IDO2: variants seen among roughly 807,000 people sequenced by gnomAD.
IDO2 encodes indoleamine 2,3-dioxygenase-like 1 protein.
IDO2 carries 46 observed loss-of-function variants against 45.1 expected under a neutral mutation model. That is an observed-to-expected ratio of 1.02 (90% CI 0.80 to 1.30). IDO2 has a LOEUF of 1.30. Among genes scored for constraint, IDO2 ranks in the 50% most tolerant of loss-of-function variants. The probability of loss-of-function intolerance (pLI) is 0.00; values close to 1 mark genes in which losing one functional copy is unlikely to be tolerated. For synonymous variants in IDO2, 218 were observed against 184.9 expected (o/e 1.18, Z -1.45); for missense variants, 544 against 491.8 (o/e 1.11, Z -1.00).
intron 10 of IDO2, among the ~76,000 whole-genome samples, chr8:40,014,932 T>G (rs1485166839): frequency 1.3e-5 from 2 of 152,132 alleles, no homozygotes; most frequent in African/African-American, 4.8e-5. Flanking sequence ...GTGGATCGCT[T>G]GAGCCCAGGA....
At chr8:39,941,221 C>CAAAAAAAAAAAAAAAAA (rs59745370) in intron 1 of IDO2, among the ~76,000 whole-genome samples, 1 of 80,548 alleles carries the variant, frequency 1.2e-5, no homozygotes, top group African/African-American at 6.1e-5. Flanking sequence ...GACTCCATCT[C>CAAAAAAAAAAAAAAAAA]AAAAAAAAAA....
chr8:40,015,623 A>C, exon 11 of IDO2: 1 of 1,561,846 alleles, frequency 6.4e-7, no homozygotes, highest in Non-Finnish European at 8.8e-7. Context: ...TCTCCCCAGC[A>C]ATGCAGAGCC....
intron 2 of IDO2, among the ~76,000 whole-genome samples, chr8:39,956,284 A>G (rs1249877825): frequency 6.6e-6 from 1 of 151,696 alleles, no homozygotes; most frequent in African/African-American, 2.4e-5. Context: ...CTGATCTCCA[A>G]CTCCTGACCT....
chr8:40,001,245 ATTTTTTTTTTT>A (rs1187145007), intron 8 of IDO2, among the ~76,000 whole-genome samples: 1 of 94,466 alleles, frequency 1.1e-5, no homozygotes, highest in Non-Finnish European at 1.8e-5. Flanking sequence ...GGCTTTCCTC[ATTTTTTTTTTT>A]TTTTTTTTTT....
intron 2 of IDO2, among the ~76,000 whole-genome samples, 199 bp from the exon 3 acceptor site, chr8:39,963,409 C>A (rs559195681): frequency 1.3e-5 from 2 of 152,142 alleles, no homozygotes; most frequent in Non-Finnish European, 2.9e-5. Flanking sequence ...GTTTTTCTCC[C>A]GTACTAGGCA....
At chr8:39,994,828 A>C (rs1306024035) in intron 8 of IDO2, among the ~76,000 whole-genome samples, 1 of 152,184 alleles carries the variant, frequency 6.6e-6, no homozygotes, top group Non-Finnish European at 1.5e-5. Context: ...CCTTCAGATT[A>C]ATTAACACCA....
At chr8:40,003,342 C>T (rs1802168539) in intron 8 of IDO2, among the ~76,000 whole-genome samples, 1 of 144,506 alleles carries the variant, frequency 6.9e-6, no homozygotes, top group Admixed American at 7.3e-5. Context: ...TGCACTCCAG[C>T]CTGGGTGAAG....
At chr8:40,003,536 A>G (rs1802172606) in intron 8 of IDO2, among the ~76,000 whole-genome samples, 1 of 152,052 alleles carries the variant, frequency 6.6e-6, no homozygotes, top group Non-Finnish European at 1.5e-5. Context: ...CCTGCCTCTT[A>G]CCTGTTCATT....
At chr8:40,005,178 A>T (rs1340551310) in intron 8 of IDO2, 149 bp from the exon 9 acceptor site, 2 of 479,258 alleles carry the variant, frequency 4.2e-6, no homozygotes, top group Non-Finnish European at 7.7e-6. Context: ...AGAAGAGAAC[A>T]TTCTATCCCC....
chr8:39,985,507 G>C lies in IDO2; in HGVS notation c.435-1G>C. 1.3e-6 allele frequency: 2 copies of C among 1,564,984 alleles called. No homozygotes were observed. Among genetic ancestry groups the C allele is most frequent in the Non-Finnish European group, 8.7e-7 (1 of 1,153,492 alleles). ...GTCATCAATAACTGAAATTGGGCTA[G>C]ATTCCTGGAAATTGGGTAAGTTCTC... On this transcript the variant is annotated splice_acceptor_variant, in intron 5 of 10. Coordinates refer to ENST00000502986, the Ensembl canonical transcript of IDO2. LOFTEE classifies it high-confidence loss of function.
rs1408014028 is a variant in IDO2 at position 40,015,314 on chromosome 8, C to T, written c.936C>T (p.His312=). 3.1e-6 allele frequency: 5 copies of T among 1,613,850 alleles called. No homozygotes were observed. The South Asian group carries it at 4.4e-5, about 14-fold the overall frequency. The change falls in exon 11 of 11, where the codon CAC becomes CAT. Residue 312 remains histidine (H), a synonymous_variant. Coordinates refer to ENST00000502986, the Ensembl canonical transcript of IDO2. ...ATAAGGCCTTCATAGAAGACATCCA[C>T]TCAGCACCTTCCCTGAGGGACTACA... is the stretch of plus-strand genomic sequence containing the variant.
intron 8 of IDO2, among the ~76,000 whole-genome samples, chr8:39,991,994 C>T (rs1801938690): frequency 6.6e-6 from 1 of 152,238 alleles, no homozygotes; most frequent in Non-Finnish European, 1.5e-5. Context: ...CACATTTTCC[C>T]ACACAGACAT....
chr8:40,015,319 C>T (rs1032107204), exon 11 of IDO2: 2 of 1,613,822 alleles, frequency 1.2e-6, no homozygotes, highest in Middle Eastern at 1.7e-4. Flanking sequence ...ATCCACTCAG[C>T]ACCTTCCCTG....
At chr8:39,951,138 C>G (rs1807808785) in intron 2 of IDO2, among the ~76,000 whole-genome samples, 1 of 152,108 alleles carries the variant, frequency 6.6e-6, no homozygotes. Context: ...AGTAGACAAG[C>G]CTCAGGGTAG....
At chr8:40,009,120 T>A (rs958771283) in intron 9 of IDO2, among the ~76,000 whole-genome samples, 5 of 152,200 alleles carry the variant, frequency 3.3e-5, no homozygotes, top group African/African-American at 1.2e-4. Context: ...GTTCAAGCTT[T>A]CCTCCTGCCT....
At chr8:39,948,082 G>A (rs1041373226) in intron 1 of IDO2, among the ~76,000 whole-genome samples, 14 of 152,196 alleles carry the variant, frequency 9.2e-5, no homozygotes, top group Non-Finnish European at 2.9e-5. Context: ...GAGCCACTGC[G>A]CCCAGCCTCG....
At chr8:39,954,807 C>T (rs1232114084) in intron 2 of IDO2, among the ~76,000 whole-genome samples, 3 of 151,852 alleles carry the variant, frequency 2.0e-5, no homozygotes, top group Non-Finnish European at 4.4e-5. Flanking sequence ...AGGTGCGCAC[C>T]ACAAAGCCCA....
At chr8:39,961,409 G>A (rs1419639996) in intron 2 of IDO2, among the ~76,000 whole-genome samples, 2 of 135,978 alleles carry the variant, frequency 1.5e-5, no homozygotes, top group East Asian at 2.3e-4. Context: ...TGCAACTTTC[G>A]CCTCCCAGGT....
chr8:39,964,404 C>T (rs191563304), intron 3 of IDO2, among the ~76,000 whole-genome samples: 77 of 152,262 alleles, frequency 5.1e-4, no homozygotes, highest in African/African-American at 1.8e-3. Context: ...TCAAAGTGGC[C>T]CTTTTGTAGT....
Sources: allele counts gnomAD v4.1 joint callset (sites outside exome capture counted in the v4.1 genomes callset), GRCh38; gene constraint gnomAD v4.1.1; transcripts MANE v1.5; gene names NCBI Gene and HGNC (gene_info 2026-07-23, HGNC 2026-07-21).